IGF1: variants seen among roughly 807,000 people sequenced by gnomAD.
IGF1 encodes the protein insulin like growth factor 1.
In IGF1, 4 loss-of-function variants were observed where a neutral mutation model predicts 13.8. The ratio of observed to expected loss-of-function variants is 0.29; its 90% CI spans 0.14 to 0.66. The LOEUF (loss-of-function observed/expected upper bound fraction) is 0.66, where lower values mean the gene tolerates loss of function less well. Ranked by LOEUF, IGF1 falls within the 30% of genes least tolerant of loss-of-function variation. The pLI, the probability that IGF1 is intolerant of heterozygous loss-of-function variation, is 0.78. For missense variants in IGF1, 124 were observed against 188.5 expected (o/e 0.66, Z 2.00); for synonymous variants, 76 against 72.6 (o/e 1.05, Z -0.23).
intron 3 of IGF1, among the ~76,000 whole-genome samples, chr12:102,407,985 CTA>C (rs1388803745): frequency 6.6e-6 from 1 of 152,122 alleles, no homozygotes; most frequent in Non-Finnish European, 1.5e-5. Flanking sequence ...TTTCAATAGA[CTA>C]TGTTTCCATC....
At position 102,396,018 on chromosome 12, in the gene IGF1, A is replaced by C. The variant is rs1458285818; in HGVS notation, c.*6489T>G. The stretch of plus-strand genomic sequence containing the variant: ...TCAATTAGTTACATTTTTAGAAGTC[A>C]TTAGGATTGATATTCCTCTGCCATA... On this transcript the variant is annotated 3_prime_UTR_variant, in exon 4 of 4. Transcript: ENST00000337514. The C allele has an allele frequency of 1.3e-5, 2 of 152,248 alleles. No homozygotes were observed. Among genetic ancestry groups the C allele is most frequent in the African/African-American group, 2.4e-5 (1 of 41,474 alleles). The allele number at this position is 152,248 out of a possible 1,614,324, so 9.4% of individuals were successfully genotyped here.
At position 102,480,340 on chromosome 12, in the gene IGF1, G is replaced by A. The variant is rs1488814975; in HGVS notation, c.42C>T (p.Cys14=). Residue 14 remains cysteine (C), a synonymous_variant, in exon 1 of 4, where the codon TGC becomes TGT. Coordinates refer to ENST00000337514, the MANE Select transcript of IGF1 (RefSeq NM_000618.5). ...ISSLPTQLFK[C]CFCDFLKVKM... is the part of the protein sequence containing the mutation. ...TTACCTTCAAGAAATCACAAAAGCA[G>A]CACTTAAATAATTGGGTTGGAAGAC... is the stretch of plus-strand genomic sequence containing the variant. The A allele has an allele frequency of 1.2e-6, 2 of 1,613,534 alleles. No homozygotes were observed. Among genetic ancestry groups the A allele is most frequent in the Non-Finnish European group, 8.5e-7 (1 of 1,179,644 alleles).
intron 2 of IGF1, among the ~76,000 whole-genome samples, chr12:102,433,181 G>T (rs987964594): frequency 6.6e-6 from 1 of 152,148 alleles, no homozygotes; most frequent in Non-Finnish European, 1.5e-5. Flanking sequence ...AAATTTGGCT[G>T]AACACTCCTG....
chr12:102,458,730 CA>C (rs397825972), intron 2 of IGF1, among the ~76,000 whole-genome samples: 46 of 73,422 alleles, frequency 6.3e-4, no homozygotes, highest in Middle Eastern at 0.012. Flanking sequence ...GAACACTGAC[CA>C]AAAAAAAAAA....
chr12:102,435,943 G>A (rs1877188320), intron 2 of IGF1, among the ~76,000 whole-genome samples: 1 of 152,208 alleles, frequency 6.6e-6, no homozygotes, highest in South Asian at 2.1e-4. Context: ...CTCCTAATAT[G>A]TGTGTATATA....
At chr12:102,403,736 T>TGCTG (rs1451319408) in intron 3 of IGF1, among the ~76,000 whole-genome samples, 4 of 149,364 alleles carry the variant, frequency 2.7e-5, no homozygotes, top group Non-Finnish European at 4.4e-5. Context: ...TCTCCCAAAG[T>TGCTG]GCTGGCATTC....
At chr12:102,407,818 T>C (rs1874303333) in intron 3 of IGF1, among the ~76,000 whole-genome samples, 1 of 152,138 alleles carries the variant, frequency 6.6e-6, no homozygotes, top group Admixed American at 6.6e-5. Context: ...TTTATAGAAG[T>C]CTAGGAGCAC....
At chr12:102,411,642 C>G (rs1389594389) in intron 3 of IGF1, among the ~76,000 whole-genome samples, 1 of 152,194 alleles carries the variant, frequency 6.6e-6, no homozygotes, top group African/African-American at 2.4e-5. Context: ...TGCCATCATA[C>G]TCAGCTTTTC....
chr12:102,455,527 C>A (rs999026873), intron 2 of IGF1, among the ~76,000 whole-genome samples: 2 of 152,216 alleles, frequency 1.3e-5, no homozygotes, highest in South Asian at 4.1e-4. Context: ...TATCTCACAG[C>A]GAAACCAGAA....
intron 3 of IGF1, among the ~76,000 whole-genome samples, chr12:102,404,760 G>GTTTTTTTTTTT (rs1333030816): frequency 6.2e-5 from 2 of 32,208 alleles, no homozygotes; most frequent in Admixed American, 3.9e-4. Context: ...GTTTTTTTTT[G>GTTTTTTTTTTT]TTGTTTTTTT....
Position 102,419,458 on chromosome 12 carries a change from A to C in IGF1, c.402+51T>G, listed in dbSNP as rs140900153. The C allele has an allele frequency of 5.3e-4, 833 of 1,577,088 alleles. 1 individual carries two copies. Among genetic ancestry groups the C allele is most frequent in the Middle Eastern group, 2.7e-3 (12 of 4,436 alleles). ...ATTTCTGCTTGGCCCACCCACATGCACAAGAGAGAGACCACTTGAGGATGG... is the reference window on the plus strand; with the variant it reads ...ATTTCTGCTTGGCCCACCCACATGCCCAAGAGAGAGACCACTTGAGGATGG... On this transcript the variant is annotated intron_variant, in intron 3 of 3. Coordinates refer to ENST00000337514, the MANE Select transcript of IGF1 (RefSeq NM_000618.5).
chr12:102,452,178 C>A (rs866695423), intron 2 of IGF1, among the ~76,000 whole-genome samples: 6 of 133,210 alleles, frequency 4.5e-5, no homozygotes, highest in African/African-American at 1.7e-4. Flanking sequence ...AGGAGAATGG[C>A]GTGAACCCGG....
intron 2 of IGF1, among the ~76,000 whole-genome samples, chr12:102,441,912 T>G (rs112020519): frequency 0.054 from 1,075 of 19,828 alleles, 49 homozygotes; most frequent in Admixed American, 0.077. Context: ...CACTGCTTCT[T>G]CTCCTTCTTC....
At chr12:102,441,908 T>TGCTGCTGCTTCTTCTTCTTCTTCTTCC (rs1555244024) in intron 2 of IGF1, among the ~76,000 whole-genome samples, 3 of 109,390 alleles carry the variant, frequency 2.7e-5, no homozygotes, top group Non-Finnish European at 5.7e-5. Flanking sequence ...ATTACACTGC[T>TGCTGCTGCTTCTTCTTCTTCTTCTTCC]TCTTCTCCTT....
chr12:102,475,626 G>A lies in IGF1; in HGVS notation c.220+17C>T, dbSNP rs928275354. ...ACTTTAGACTTGAGCAGCACATTGA[G>A]AGGGAGGGCTACTTACTGAAATAAA... is the stretch of plus-strand genomic sequence containing the variant. On this transcript the variant is annotated intron_variant, in intron 2 of 3. Coordinates refer to ENST00000337514, the MANE Select transcript of IGF1 (RefSeq NM_000618.5). The A allele has an allele frequency of 2.8e-5, 45 of 1,613,902 alleles. No individual in the cohort carries two copies. Among genetic ancestry groups the A allele is most frequent in the Non-Finnish European group, 3.8e-5 (45 of 1,179,866 alleles).
At chr12:102,480,921 G>A (rs564533031), upstream of IGF1, among the ~76,000 whole-genome samples, 1 of 152,276 alleles carries the variant, frequency 6.6e-6, no homozygotes, top group East Asian at 1.9e-4. Flanking sequence ...GGATGGGAGA[G>A]CAATTTTAGA....
At chr12:102,414,957 A>T (rs1874955143) in intron 3 of IGF1, among the ~76,000 whole-genome samples, 1 of 152,232 alleles carries the variant, frequency 6.6e-6, no homozygotes, top group Non-Finnish European at 1.5e-5. Context: ...CTTACTTCAA[A>T]GAAACATTAA....
At chr12:102,467,987 A>T (rs188309118) in intron 2 of IGF1, among the ~76,000 whole-genome samples, 2 of 152,336 alleles carry the variant, frequency 1.3e-5, no homozygotes, top group East Asian at 3.9e-4. Context: ...ACTAGATTGC[A>T]TAATATTGAC....
chr12:102,475,465 A>C (rs924509598), intron 2 of IGF1, among the ~76,000 whole-genome samples, 178 bp downstream of exon 2: 1 of 152,074 alleles, frequency 6.6e-6, no homozygotes, highest in African/African-American at 2.4e-5. Flanking sequence ...AGATCTGCAA[A>C]ACCTGCCAAA....
Sources: gnomAD v4.1 joint callset for allele counts (sites outside exome capture counted in the v4.1 genomes callset) on GRCh38, gnomAD v4.1.1 for gene constraint, MANE v1.5 for transcripts, NCBI Gene and HGNC (gene_info 2026-07-23, HGNC 2026-07-21) for gene names.